ZNF141: variants seen among roughly 807,000 people sequenced by gnomAD.
ZNF141 encodes the protein zinc finger protein 141 (clone pHZ-44).
A neutral mutation model predicts 11.3 loss-of-function variants in ZNF141; 7 were observed. The ratio of observed to expected loss-of-function variants is 0.62; its 90% CI spans 0.35 to 1.16. The LOEUF is 1.16. Ranked by LOEUF, ZNF141 falls within the 50% of genes most tolerant of loss-of-function variation. The pLI is 0.02. For synonymous variants in ZNF141, 183 were observed against 190.7 expected (o/e 0.96, Z 0.33); for missense variants, 535 against 554.0 (o/e 0.97, Z 0.34).
chr4:364,429 T>G (rs1362106874), intron 3 of ZNF141, among the ~76,000 whole-genome samples: 3 of 152,204 alleles, frequency 2.0e-5, no homozygotes, highest in African/African-American at 7.2e-5. Flanking sequence ...GGAGGGTGTA[T>G]GTGTCCAGGA....
rs148754152 is a variant in ZNF141, at chr4:339,446, C to G, written c.3+1460C>G. ...TGCTCTTTTCTTCCCCACAAATCCTCTTTCCTGTGCACACAGTTTGCTCAA... is the reference window on the plus strand; with the variant it reads ...TGCTCTTTTCTTCCCCACAAATCCTGTTTCCTGTGCACACAGTTTGCTCAA... On this transcript the variant is annotated intron_variant, in intron 1 of 3. Transcript: ENST00000240499. Among the ~76,000 whole-genome samples, 900 of 152,348 alleles carry G rather than the reference C, an allele frequency of 5.9e-3. 14 individuals carry two copies. In the South Asian group the frequency reaches 0.063, roughly 11 times the overall value.
In ZNF141 at chr4:378,692, A is replaced by T. The variant is rs1553855025; in HGVS notation, c.*4830A>T. Among the ~76,000 whole-genome samples the T allele has an allele frequency of 6.6e-6, 1 of 152,162 alleles. No homozygotes were observed. The highest frequency in any genetic ancestry group is 2.4e-5 in the African/African-American group (1 of 41,428). On this transcript the variant is annotated 3_prime_UTR_variant, in exon 4 of 4. Coordinates refer to ENST00000240499, the MANE Select transcript of ZNF141 (RefSeq NM_003441.4). ...ATATTACAATCTTGAGGAATTTCTC[A>T]TAATTCTTTGTTTTAGTGGATGCAT...
intron 3 of ZNF141, among the ~76,000 whole-genome samples, chr4:368,529 A>G (rs1252981418): frequency 3.3e-5 from 5 of 152,262 alleles, no homozygotes; most frequent in South Asian, 4.1e-4. Flanking sequence ...GGCATGAGCC[A>G]CCATGCCTGG....
In ZNF141 at chr4:380,220, C is replaced by G. The variant is rs1388098118; in HGVS notation, c.*6358C>G. ...TGTATACCACGTTTTTGGAAAAATA[C>G]ATTCATTTCTTGGTTGAAAAACTCA... On this transcript the variant is annotated 3_prime_UTR_variant, in exon 4 of 4. Coordinates refer to ENST00000240499, the MANE Select transcript of ZNF141 (RefSeq NM_003441.4). Among the ~76,000 whole-genome samples, 1 of 152,142 alleles carries G rather than the reference C, an allele frequency of 6.6e-6. No individual in the cohort carries two copies. The highest frequency in any genetic ancestry group is 1.5e-5 in the Non-Finnish European group (1 of 68,026).
At position 375,553 on chromosome 4, in the gene ZNF141, T is replaced by C. The variant is rs79323293; in HGVS notation, c.*1691T>C. ...AGAAAGAACTAAGGAACTAACACTT[T>C]AGACACTGCAGTAAATCAGAGTATT... On this transcript the variant is annotated 3_prime_UTR_variant, in exon 4 of 4. Transcript: ENST00000240499. Among the ~76,000 whole-genome samples, 211 of 152,170 alleles carry C rather than the reference T, an allele frequency of 1.4e-3. No individual in the cohort carries two copies. Among genetic ancestry groups the C allele is most frequent in the Non-Finnish European group, 2.2e-3 (152 of 67,918 alleles).
Position 343,927 on chromosome 4 carries a change from C to T in ZNF141, c.130+19C>T, listed in dbSNP as rs1553848992. On this transcript the variant is annotated intron_variant, in intron 2 of 3. Coordinates refer to ENST00000240499, the MANE Select transcript of ZNF141 (RefSeq NM_003441.4). ...TCCCTGGGTGAGGATAACTTCAATACATAATTCCTAATTTTTCTCAGAGCT... is the reference window on the plus strand; with the variant it reads ...TCCCTGGGTGAGGATAACTTCAATATATAATTCCTAATTTTTCTCAGAGCT... The T allele has an allele frequency of 1.3e-6, 2 of 1,580,014 alleles. No homozygotes were observed. Among genetic ancestry groups the T allele is most frequent in the Non-Finnish European group, 1.7e-6 (2 of 1,171,438 alleles).
At position 337,936 on chromosome 4, in the gene ZNF141, A is replaced by G. The variant is rs1297382493; in HGVS notation, c.-48A>G. ...CTCCGTCGCTCTGTGACCTGCGGGTATTGGATGATTGGTAGCTAAGACTCC... is the reference window on the plus strand; with the variant it reads ...CTCCGTCGCTCTGTGACCTGCGGGTGTTGGATGATTGGTAGCTAAGACTCC... On this transcript the variant is annotated 5_prime_UTR_variant, in exon 1 of 4. Coordinates refer to ENST00000240499, the MANE Select transcript of ZNF141 (RefSeq NM_003441.4). 1.9e-6 allele frequency: 3 copies of G among 1,609,364 alleles called. No homozygotes were observed. Among genetic ancestry groups the G allele is most frequent in the Non-Finnish European group, 2.5e-6 (3 of 1,177,140 alleles).
rs1553855513 is a variant in ZNF141, at chr4:381,061, C to T, written c.*7199C>T. Reference sequence around the variant, plus strand: ...AGAATATTTATAGCATAATTTTTACCTATACCTGTAGTCAGTAAATGCTGT... The same window carrying T: ...AGAATATTTATAGCATAATTTTTACTTATACCTGTAGTCAGTAAATGCTGT... On this transcript the variant is annotated 3_prime_UTR_variant, in exon 4 of 4. Transcript: ENST00000240499. 6.6e-6 allele frequency among the ~76,000 whole-genome samples: 1 copy of T among 152,052 alleles called. No homozygotes were observed. The highest frequency in any genetic ancestry group is 2.4e-5 in the African/African-American group (1 of 41,394).
At chr4:342,348 T>C (rs1417143819) in intron 1 of ZNF141, among the ~76,000 whole-genome samples, 2 of 152,242 alleles carry the variant, frequency 1.3e-5, no homozygotes, top group African/African-American at 4.8e-5. Context: ...TTATAGGGTC[T>C]GCAGAGAATG....
rs782262595 is a variant in ZNF141, at chr4:345,082, G to A, written c.226+652G>A. 3.3e-5 allele frequency among the ~76,000 whole-genome samples: 5 copies of A among 152,252 alleles called. No homozygotes were observed. The East Asian group carries it at 7.7e-4, about 24-fold the overall frequency. ...TGTTACTGAGGAGCTGTATGTCAAA[G>A]TATTTTTTTCAAGTATTCTTTTCGT... On this transcript the variant is annotated intron_variant, in intron 3 of 3. Coordinates refer to ENST00000240499, the MANE Select transcript of ZNF141 (RefSeq NM_003441.4).
chr4:351,989 A>C (rs1553850522), intron 3 of ZNF141, among the ~76,000 whole-genome samples: 2 of 152,198 alleles, frequency 1.3e-5, no homozygotes, highest in Non-Finnish European at 2.9e-5. Flanking sequence ...GTTTATTCTA[A>C]GGAGTATTGC....
chr4:370,159 A>G (rs1374795456), intron 3 of ZNF141, among the ~76,000 whole-genome samples: 1 of 152,096 alleles, frequency 6.6e-6, no homozygotes, highest in African/African-American at 2.4e-5. Flanking sequence ...TATTGATGTC[A>G]CTAATCATAT....
Position 373,294 on chromosome 4 carries a change from A to G in ZNF141, c.857A>G (p.Glu286Gly). The G allele has an allele frequency of 1.2e-6, 2 of 1,614,144 alleles. No individual in the cohort carries two copies. Among genetic ancestry groups the G allele is most frequent in the Non-Finnish European group, 8.5e-7 (1 of 1,180,022 alleles). Residue 286 changes from glutamate to glycine, a missense_variant, in exon 4 of 4, where the codon GAA (glutamate) becomes GGA (glycine). Glu to Gly is a moderately conservative substitution (Grantham distance 98, BLOSUM62 -2). Coordinates refer to ENST00000240499, the MANE Select transcript of ZNF141 (RefSeq NM_003441.4). ...IHAGEKPITCEECRKIFTSSS... is the reference protein window; with the variant it reads ...IHAGEKPITCGECRKIFTSSS... The stretch of plus-strand genomic sequence containing the variant: ...GCTGGAGAGAAACCCATCACATGTG[A>G]AGAATGTAGGAAAATCTTTACCTCA...
In ZNF141 at chr4:375,670, G is replaced by A. The variant is rs560710492; in HGVS notation, c.*1808G>A. On this transcript the variant is annotated 3_prime_UTR_variant, in exon 4 of 4. Coordinates refer to ENST00000240499, the MANE Select transcript of ZNF141 (RefSeq NM_003441.4). ...TTTTTGAAGAGATACTACATTTAAAGTATATTTTTTCACTTGAAAAAAGTA... is the reference window on the plus strand; with the variant it reads ...TTTTTGAAGAGATACTACATTTAAAATATATTTTTTCACTTGAAAAAAGTA... 4.8e-4 allele frequency among the ~76,000 whole-genome samples: 73 copies of A among 151,926 alleles called. No homozygotes were observed. The highest frequency in any genetic ancestry group is 9.4e-4 in the Non-Finnish European group (64 of 67,894).
At position 372,667 on chromosome 4, in the gene ZNF141, T is replaced by C. The variant is rs1581626218; in HGVS notation, c.230T>C (p.Met77Thr). The C allele has an allele frequency of 6.6e-7, 1 of 1,511,588 alleles. No individual in the cohort carries two copies. 93.6% of individuals were successfully genotyped at this position (1,511,588 alleles called of 1,614,324 possible). ...IHKIVARPPAMCSHFTQDHWP... is the reference protein window; with the variant it reads ...IHKIVARPPATCSHFTQDHWP... ...TTGTAATTTTTATTTCTTTCAGCTA[T>C]GTGTTCTCATTTCACCCAAGACCAT... Residue 77 changes from methionine (M) to threonine (T), a missense_variant, in exon 4 of 4, where the codon ATG becomes ACG. By Grantham distance (81) the Met-to-Thr change is moderately conservative. Transcript: ENST00000240499.
rs537715563 is a variant in ZNF141 at position 379,965 on chromosome 4, T to C, written c.*6103T>C. Among the ~76,000 whole-genome samples, 1 of 152,338 alleles carries C rather than the reference T, an allele frequency of 6.6e-6. No homozygotes were observed. The highest frequency in any genetic ancestry group is 6.5e-5 in the Admixed American group (1 of 15,302). On this transcript the variant is annotated 3_prime_UTR_variant, in exon 4 of 4. Transcript: ENST00000240499. ...TTTCCAAAAATACATTATTGTTAACTGTAGTCACCATGCTGTACAATAGAT... is the reference window on the plus strand; with the variant it reads ...TTTCCAAAAATACATTATTGTTAACCGTAGTCACCATGCTGTACAATAGAT...
chr4:363,971 C>T (rs1264205155), intron 3 of ZNF141, among the ~76,000 whole-genome samples: 1 of 152,022 alleles, frequency 6.6e-6, no homozygotes, highest in Non-Finnish European at 1.5e-5. Flanking sequence ...GTTGATGGTT[C>T]TGTTTATGTG....
At chr4:370,328 T>C (rs1299481107) in intron 3 of ZNF141, among the ~76,000 whole-genome samples, 1 of 152,214 alleles carries the variant, frequency 6.6e-6, no homozygotes, top group Non-Finnish European at 1.5e-5. Context: ...AAGTTATGTA[T>C]TTTCATATCA....
At chr4:343,413 C>A (rs1299415452) in intron 1 of ZNF141, among the ~76,000 whole-genome samples, 1 of 152,136 alleles carries the variant, frequency 6.6e-6, no homozygotes, top group African/African-American at 2.4e-5. Context: ...ACTCATTTCA[C>A]CTGTAGTCAA....
Sources: allele counts gnomAD v4.1 joint callset (sites outside exome capture counted in the v4.1 genomes callset), GRCh38; gene constraint gnomAD v4.1.1; transcripts MANE v1.5; gene names NCBI Gene and HGNC (gene_info 2026-07-23, HGNC 2026-07-21).